MACROD2: variants seen among roughly 807,000 people sequenced by gnomAD.
MACROD2 encodes ADP-ribose glycohydrolase MACROD2.
Under a neutral mutation model 70.4 loss-of-function variants are expected in MACROD2, and 36 were observed. The ratio of observed to expected loss-of-function variants is 0.51; its 90% CI spans 0.39 to 0.68. The LOEUF (loss-of-function observed/expected upper bound fraction) is 0.68, where lower values mean the gene tolerates loss of function less well. Among genes scored for constraint, MACROD2 ranks in the 30% least tolerant of loss-of-function variants. The probability of loss-of-function intolerance (pLI) is 0.00; values close to 1 mark genes in which losing one functional copy is unlikely to be tolerated. For missense variants in MACROD2, 496 were observed against 538.4 expected (o/e 0.92, Z 0.78); for synonymous variants, 172 against 178.8 (o/e 0.96, Z 0.30).
intron 3 of MACROD2, among the ~76,000 whole-genome samples, chr20:14,119,137 C>T (rs111747545): frequency 2.5e-4 from 37 of 147,440 alleles, no homozygotes; most frequent in African/African-American, 5.0e-4. Flanking sequence ...CGTGAGCCAC[C>T]GCGCCTGGCC....
intron 9 of MACROD2, among the ~76,000 whole-genome samples, chr20:15,867,706 T>A (rs1309803348): frequency 6.6e-6 from 1 of 152,200 alleles, no homozygotes; most frequent in Non-Finnish European, 1.5e-5. Flanking sequence ...TTCTTTTTTT[T>A]CTACTAGAGT....
chr20:14,736,696 A>G (rs1661708382), intron 5 of MACROD2, among the ~76,000 whole-genome samples: 1 of 152,132 alleles, frequency 6.6e-6, no homozygotes, highest in African/African-American at 2.4e-5. Flanking sequence ...CGACTCTCTG[A>G]AATAATCTTC....
chr20:14,818,441 A>G lies in MACROD2; in HGVS notation c.418+133482A>G, dbSNP rs543710629. On this transcript the variant is annotated intron_variant, in intron 5 of 17. Transcript: ENST00000684519. ...TCTCTGAGTACCCCCCTGAAGATGC[A>G]TTCATATAGAAAAGGGAGGAGTCAG... 5.3e-4 allele frequency among the ~76,000 whole-genome samples: 80 copies of G among 152,196 alleles called. 2 individuals are homozygous for G. In the East Asian group the frequency reaches 0.011, roughly 21 times the overall value.
chr20:15,599,296 G>C (rs1412519073), intron 8 of MACROD2, among the ~76,000 whole-genome samples: 1 of 152,094 alleles, frequency 6.6e-6, no homozygotes, highest in Non-Finnish European at 1.5e-5. Context: ...GGAGGCTGAG[G>C]CAGGGGAATC....
At chr20:15,111,750 A>G (rs1252076427) in intron 5 of MACROD2, among the ~76,000 whole-genome samples, 1 of 152,232 alleles carries the variant, frequency 6.6e-6, no homozygotes, top group Non-Finnish European at 1.5e-5. Flanking sequence ...AGAGAGGACA[A>G]CTTGTAAAAC....
intron 3 of MACROD2, among the ~76,000 whole-genome samples, chr20:14,161,904 T>C (rs1213080639): frequency 6.6e-6 from 1 of 152,214 alleles, no homozygotes; most frequent in Non-Finnish European, 1.5e-5. Flanking sequence ...GATAGACACT[T>C]AAGTTGATTC....
intron 5 of MACROD2, among the ~76,000 whole-genome samples, chr20:14,875,372 G>C (rs146459196): frequency 1.4e-3 from 212 of 152,178 alleles, no homozygotes; most frequent in African/African-American, 4.9e-3. Context: ...CTGGGGGACA[G>C]AGTGAGACTC....
intron 5 of MACROD2, among the ~76,000 whole-genome samples, chr20:15,053,150 C>T (rs1232248101): frequency 6.6e-6 from 1 of 152,214 alleles, no homozygotes; most frequent in Non-Finnish European, 1.5e-5. Flanking sequence ...CATAAAAGCG[C>T]AGGTAAAGCC....
rs201591543 is a variant in MACROD2 at position 15,575,844 on chromosome 20, A to G, written c.645+75997A>G. Among the ~76,000 whole-genome samples, 32 of 152,266 alleles carry G rather than the reference A, an allele frequency of 2.1e-4. No individual in the cohort carries two copies. The East Asian group carries it at 4.8e-3, about 23-fold the overall frequency. On this transcript the variant is annotated intron_variant, in intron 8 of 17. Transcript: ENST00000684519. ...CAGTCCCCCGTGTCTCTTTCCGGCC[A>G]CGACTCCCTCCTCCCCAAAGGTACC...
chr20:15,236,171 A>T (rs537296998), intron 6 of MACROD2, among the ~76,000 whole-genome samples: 1 of 152,316 alleles, frequency 6.6e-6, no homozygotes, highest in South Asian at 2.1e-4. Context: ...TGTGGGAAAA[A>T]GCTAACTCAA....
chr20:15,753,030 C>G (rs2051295511), intron 8 of MACROD2, among the ~76,000 whole-genome samples: 1 of 152,104 alleles, frequency 6.6e-6, no homozygotes, highest in African/African-American at 2.4e-5. Context: ...GAAATTTATA[C>G]TCTTTTGCAA....
At chr20:14,992,928 A>G (rs1359045238) in intron 5 of MACROD2, among the ~76,000 whole-genome samples, 2 of 152,176 alleles carry the variant, frequency 1.3e-5, no homozygotes, top group South Asian at 4.1e-4. Flanking sequence ...TGATTCCACT[A>G]GAAATATCTT....
intron 5 of MACROD2, among the ~76,000 whole-genome samples, chr20:15,015,206 T>C (rs1379993230): frequency 2.6e-5 from 4 of 152,120 alleles, no homozygotes; most frequent in Admixed American, 2.0e-4. Flanking sequence ...TTTTTCATTC[T>C]AGTTTTTTTG....
At chr20:14,936,887 G>A (rs1333097246) in intron 5 of MACROD2, among the ~76,000 whole-genome samples, 2 of 152,192 alleles carry the variant, frequency 1.3e-5, no homozygotes, top group Admixed American at 6.5e-5. Flanking sequence ...AGAGGGAGAG[G>A]AAAACTTGTT....
At chr20:15,775,263 G>A (rs1422953455) in intron 8 of MACROD2, among the ~76,000 whole-genome samples, 2 of 152,122 alleles carry the variant, frequency 1.3e-5, no homozygotes, top group African/African-American at 4.8e-5. Flanking sequence ...CATGATCTGA[G>A]GGTGGCGTTT....
intron 2 of MACROD2, among the ~76,000 whole-genome samples, chr20:14,048,730 A>G (rs2053514375): frequency 1.3e-5 from 2 of 152,242 alleles, no homozygotes; most frequent in African/African-American, 2.4e-5. Flanking sequence ...GACCAAAAAA[A>G]GAAAGGTTTA....
At chr20:14,321,440 G>A (rs962299452) in intron 3 of MACROD2, among the ~76,000 whole-genome samples, 1 of 151,986 alleles carries the variant, frequency 6.6e-6, no homozygotes, top group Non-Finnish European at 1.5e-5. Context: ...TTCTTAAAAA[G>A]TGATTGATAA....
At chr20:14,802,302 G>A (rs1407139384) in intron 5 of MACROD2, among the ~76,000 whole-genome samples, 3 of 151,986 alleles carry the variant, frequency 2.0e-5, no homozygotes, top group African/African-American at 7.3e-5. Flanking sequence ...ACTTGGATAT[G>A]GTTTTCACAT....
intron 10 of MACROD2, among the ~76,000 whole-genome samples, chr20:15,906,790 A>C (rs769880474): frequency 9.2e-5 from 14 of 152,208 alleles, no homozygotes; most frequent in Non-Finnish European, 1.9e-4. Context: ...GGCTGGATTC[A>C]AGTGATGCAT....
Sources: allele counts gnomAD v4.1 joint callset (sites outside exome capture counted in the v4.1 genomes callset), GRCh38; gene constraint gnomAD v4.1.1; transcripts MANE v1.5; gene names NCBI Gene and HGNC (gene_info 2026-07-23, HGNC 2026-07-21).